Variants in SNRPD3 observed in about 807,000 individuals in gnomAD.
The protein encoded by SNRPD3 is small nuclear ribonucleoprotein Sm D3.
For synonymous variants in SNRPD3, 66 were observed against 58.4 expected (o/e 1.13, Z -0.59); for missense variants, 73 against 167.5 (o/e 0.44, Z 3.11).
At chr22:24,570,660 G>A (rs8136727) in intron 3 of SNRPD3, among the ~76,000 whole-genome samples, 141,733 of 152,014 alleles carry the variant, frequency 0.93, 66,502 homozygotes, top group Non-Finnish European at 0.99. Flanking sequence ...TCCAGCCTAG[G>A]TGACAGAGCT....
At chr22:24,561,173 A>G (rs2045139904) in intron 2 of SNRPD3, among the ~76,000 whole-genome samples, 1 of 148,208 alleles carries the variant, frequency 6.7e-6, no homozygotes, top group Admixed American at 6.9e-5. Context: ...TCTGGGCTCA[A>G]GAGATCTTTT....
chr22:24,556,876 C>T (rs1487702776), intron 1 of SNRPD3, among the ~76,000 whole-genome samples: 1 of 152,236 alleles, frequency 6.6e-6, no homozygotes, highest in Non-Finnish European at 1.5e-5. Flanking sequence ...AAGTTCACTG[C>T]TTGATGCTTT....
At chr22:24,563,226 GTGTGTGTGTGTGTGTGTA>G (rs1189196575) in intron 2 of SNRPD3, among the ~76,000 whole-genome samples, 4 of 137,574 alleles carry the variant, frequency 2.9e-5, no homozygotes, top group African/African-American at 1.1e-4. Flanking sequence ...GTGTGTGTGT[GTGTGTGTGTGTGTGTGTA>G]TGTGTGTATG....
rs577561821 is a variant in SNRPD3, at chr22:24,559,139, G to A, written c.126+1339G>A. Among the ~76,000 whole-genome samples, 359 of 152,166 alleles carry A rather than the reference G, an allele frequency of 2.4e-3. 3 individuals are homozygous for A. Among genetic ancestry groups the A allele is most frequent in the Admixed American group, 3.9e-3 (59 of 15,272 alleles). On this transcript the variant is annotated intron_variant, in intron 2 of 3. Transcript: ENST00000215829. ...AGAGAGGTAAAGCACCTTACACCGC[G>A]GTCAGGCATCCTGACCATCCATTGG... is the stretch of plus-strand genomic sequence containing the variant.
intron 2 of SNRPD3, among the ~76,000 whole-genome samples, chr22:24,563,178 G>A (rs2147123311): frequency 6.6e-6 from 1 of 151,086 alleles, no homozygotes; most frequent in South Asian, 2.1e-4. Context: ...GACCACCCTG[G>A]GCAACACAGT....
At chr22:24,567,018 C>T (rs992522133) in intron 2 of SNRPD3, among the ~76,000 whole-genome samples, 1 of 152,210 alleles carries the variant, frequency 6.6e-6, no homozygotes, top group African/African-American at 2.4e-5. Flanking sequence ...CCTGTAGGCT[C>T]CTGCCCAAGT....
At chr22:24,557,143 A>G (rs975262497) in intron 1 of SNRPD3, among the ~76,000 whole-genome samples, 1 of 152,146 alleles carries the variant, frequency 6.6e-6, no homozygotes, top group Non-Finnish European at 1.5e-5. Context: ...GGATTGAGGG[A>G]CTGGGTTTTT....
rs1254713650 is a variant in SNRPD3 at position 24,568,044 on chromosome 22, A to G, written c.187A>G (p.Ile63Val). Residue 63 changes from isoleucine (I) to valine (V), a missense_variant, in exon 3 of 4, where the codon ATC becomes GTC. Ile to Val is a conservative substitution (Grantham distance 29). Transcript: ENST00000215829. ...AGTGGCACAGCTGGAGCAGGTATAC[A>G]TCCGTGGCAGCAAAATCCGCTTTCT... ...GRVAQLEQVY[I>V]RGSKIRFLIL... 1 of 1,613,810 alleles carries G rather than the reference A, an allele frequency of 6.2e-7. No homozygotes were observed. Among genetic ancestry groups the G allele is most frequent in the South Asian group, 1.1e-5 (1 of 90,992 alleles).
intron 1 of SNRPD3, among the ~76,000 whole-genome samples, chr22:24,557,379 A>G (rs1294227016): frequency 1.3e-5 from 2 of 152,202 alleles, no homozygotes; most frequent in African/African-American, 4.8e-5. Context: ...GACATAGGGT[A>G]GCGGGGACAC....
At chr22:24,564,078 A>G (rs1476566563) in intron 2 of SNRPD3, among the ~76,000 whole-genome samples, 5 of 152,142 alleles carry the variant, frequency 3.3e-5, no homozygotes, top group Non-Finnish European at 7.3e-5. Flanking sequence ...CCTCTACCCC[A>G]TAATACTTTT....
chr22:24,565,929 G>A (rs1036833753), intron 2 of SNRPD3, among the ~76,000 whole-genome samples: 2 of 152,174 alleles, frequency 1.3e-5, no homozygotes, highest in South Asian at 4.1e-4. Context: ...TTACAGGCAT[G>A]AGCCACCGCG....
chr22:24,562,456 A>G lies in SNRPD3; in HGVS notation c.126+4656A>G, dbSNP rs567379864. On this transcript the variant is annotated intron_variant, in intron 2 of 3. Transcript: ENST00000215829. Reference sequence around the variant, plus strand: ...CTACTCGGGAGGCTGAGGCAGGAGAATGGCGTGAACCCAGGAGGCAGAGCT... The same window carrying G: ...CTACTCGGGAGGCTGAGGCAGGAGAGTGGCGTGAACCCAGGAGGCAGAGCT... Among the ~76,000 whole-genome samples the G allele has an allele frequency of 3.3e-5, 5 of 152,200 alleles. No individual in the cohort carries two copies. In the South Asian group the frequency reaches 1.0e-3, roughly 32 times the overall value.
In SNRPD3 at chr22:24,557,670, C is replaced by T. The variant is rs763380077; in HGVS notation, c.-5C>T. ...CTCTCATTGTAGAACTCTCTTCCTGCCAAGATGTCTATTGGTGTGCCGATT... is the reference window on the plus strand; with the variant it reads ...CTCTCATTGTAGAACTCTCTTCCTGTCAAGATGTCTATTGGTGTGCCGATT... On this transcript the variant is annotated 5_prime_UTR_variant, in exon 2 of 4. Transcript: ENST00000215829. 6 of 1,611,930 alleles carry T rather than the reference C, an allele frequency of 3.7e-6. No homozygotes were observed. The highest frequency in any genetic ancestry group is 5.1e-6 in the Non-Finnish European group (6 of 1,178,778).
At chr22:24,564,910 G>T (rs767942105) in intron 2 of SNRPD3, among the ~76,000 whole-genome samples, 92 of 147,268 alleles carry the variant, frequency 6.2e-4, no homozygotes, top group Non-Finnish European at 1.1e-3. Context: ...TTTTGACAGG[G>T]TCTTACTCTG....
At chr22:24,560,939 A>G (rs2045135262) in intron 2 of SNRPD3, among the ~76,000 whole-genome samples, 1 of 149,038 alleles carries the variant, frequency 6.7e-6, no homozygotes, top group Non-Finnish European at 1.5e-5. Flanking sequence ...GAGGCTCATC[A>G]TGTTGCCCAG....
chr22:24,562,095 C>T lies in SNRPD3; in HGVS notation c.126+4295C>T, dbSNP rs191519452. 3.3e-4 allele frequency among the ~76,000 whole-genome samples: 51 copies of T among 152,344 alleles called. No individual in the cohort carries two copies. In the East Asian group the frequency reaches 8.7e-3, roughly 26 times the overall value. On this transcript the variant is annotated intron_variant, in intron 2 of 3. Coordinates refer to ENST00000215829, the MANE Select transcript of SNRPD3 (RefSeq NM_004175.5). ...CTAGTCTTGCACTCCTGGACTTAAGCGATCCTCCCACCTTGGCCTCCCAAA... is the reference window on the plus strand; with the variant it reads ...CTAGTCTTGCACTCCTGGACTTAAGTGATCCTCCCACCTTGGCCTCCCAAA...
intron 3 of SNRPD3, among the ~76,000 whole-genome samples, chr22:24,569,923 T>C (rs1400443833): frequency 2.0e-5 from 3 of 152,262 alleles, no homozygotes; most frequent in African/African-American, 7.2e-5. Flanking sequence ...GGATGAGTTC[T>C]TGTTCACCTT....
intron 2 of SNRPD3, among the ~76,000 whole-genome samples, chr22:24,560,635 G>A (rs1005236026): frequency 4.0e-5 from 6 of 149,686 alleles, no homozygotes; most frequent in Admixed American, 2.0e-4. Context: ...TCCCCATGTT[G>A]CCCAGGCTGG....
rs2045179333 is a variant in SNRPD3, at chr22:24,564,737, G to T, written c.127-3247G>T. Among the ~76,000 whole-genome samples the T allele has an allele frequency of 3.3e-5, 5 of 152,284 alleles. 1 individual carries two copies. In the South Asian group the frequency reaches 1.0e-3, roughly 32 times the overall value. On this transcript the variant is annotated intron_variant, in intron 2 of 3. Transcript: ENST00000215829. ...ACAGCTTCTGTCAGGAAAGGAGTGA[G>T]ATGTGCCCCTGTGCTGGAGGGAGTG...
Sources: allele counts gnomAD v4.1 joint callset (sites outside exome capture counted in the v4.1 genomes callset), GRCh38; gene constraint gnomAD v4.1.1; transcripts MANE v1.5; gene names NCBI Gene and HGNC (gene_info 2026-07-23, HGNC 2026-07-21).